Variants in CHST11 observed in about 807,000 individuals in gnomAD.
CHST11 encodes the protein C4S-1.
Under a neutral mutation model 30.4 loss-of-function variants are expected in CHST11, and 9 were observed. The observed-to-expected ratio is 0.30, with a 90% CI of 0.18 to 0.52. CHST11 has a LOEUF of 0.52. Ranked by LOEUF, CHST11 falls within the 20% of genes least tolerant of loss-of-function variation. The pLI, the probability that CHST11 is intolerant of heterozygous loss-of-function variation, is 0.97. For missense variants in CHST11, 348 were observed against 460.6 expected (o/e 0.76, Z 2.24); for synonymous variants, 152 against 187.8 (o/e 0.81, Z 1.56).
At chr12:104,636,404 C>A (rs1277334623) in intron 2 of CHST11, among the ~76,000 whole-genome samples, 1 of 152,218 alleles carries the variant, frequency 6.6e-6, no homozygotes, top group Non-Finnish European at 1.5e-5. Flanking sequence ...ATACAGTTCT[C>A]TCCGTCTGTT....
At chr12:104,525,315 T>A (rs1947240450) in intron 1 of CHST11, among the ~76,000 whole-genome samples, 2 of 152,206 alleles carry the variant, frequency 1.3e-5, no homozygotes, top group Non-Finnish European at 2.9e-5. Flanking sequence ...TTAAACCTCA[T>A]AGTGTATACT....
chr12:104,642,563 G>T (rs1283866225), intron 2 of CHST11, among the ~76,000 whole-genome samples: 5 of 152,014 alleles, frequency 3.3e-5, no homozygotes, highest in African/African-American at 7.2e-5. Flanking sequence ...ACCATGCCTG[G>T]CTAATTTTTG....
chr12:104,701,654 A>G (rs1386604190), intron 2 of CHST11, among the ~76,000 whole-genome samples: 1 of 152,210 alleles, frequency 6.6e-6, no homozygotes, highest in Non-Finnish European at 1.5e-5. Context: ...AGGATGCTCT[A>G]TGACATTTTC....
At position 104,582,286 on chromosome 12, in the gene CHST11, G is replaced by A. The variant is rs189996550; in HGVS notation, c.119-19620G>A. Among the ~76,000 whole-genome samples the A allele has an allele frequency of 5.9e-5, 9 of 152,244 alleles. No homozygotes were observed. The East Asian group carries it at 1.6e-3, about 26-fold the overall frequency. On this transcript the variant is annotated intron_variant, in intron 1 of 2. Transcript: ENST00000303694. ...AAGATCACTCTGCTGGCCAGTGGAG[G>A]GGCCAGGATTTGAGGCAGGAATTCT...
At chr12:104,685,754 T>C (rs569700646) in intron 2 of CHST11, among the ~76,000 whole-genome samples, 1 of 152,354 alleles carries the variant, frequency 6.6e-6, no homozygotes, top group Admixed American at 6.5e-5. Flanking sequence ...GGACTTTCAT[T>C]TGGAGCAAGT....
intron 1 of CHST11, among the ~76,000 whole-genome samples, chr12:104,588,593 G>A (rs763540346): frequency 6.6e-6 from 1 of 152,120 alleles, no homozygotes; most frequent in Non-Finnish European, 1.5e-5. Context: ...TGCCTGCCTC[G>A]GGCTCACAAA....
intron 1 of CHST11, among the ~76,000 whole-genome samples, chr12:104,481,628 T>C (rs916601907): frequency 2.6e-5 from 4 of 152,074 alleles, no homozygotes; most frequent in Admixed American, 1.3e-4. Context: ...ATGGCAAAGA[T>C]TGGCTAAGAA....
intron 1 of CHST11, among the ~76,000 whole-genome samples, chr12:104,460,304 G>A (rs1352197522): frequency 6.6e-6 from 1 of 152,130 alleles, no homozygotes; most frequent in Admixed American, 6.5e-5. Flanking sequence ...TAGAAAAATA[G>A]TATTGCAAAA....
chr12:104,663,505 TG>T (rs2039615757), intron 2 of CHST11, among the ~76,000 whole-genome samples: 1 of 152,210 alleles, frequency 6.6e-6, no homozygotes, highest in South Asian at 2.1e-4. Flanking sequence ...TATTCATGTT[TG>T]TATTTTTTAA....
In CHST11 at chr12:104,611,771, G is replaced by A. The variant is rs541341422; in HGVS notation, c.204+9780G>A. Among the ~76,000 whole-genome samples the A allele has an allele frequency of 7.9e-5, 12 of 152,260 alleles. No individual in the cohort carries two copies. The South Asian group carries it at 1.2e-3, about 16-fold the overall frequency. On this transcript the variant is annotated intron_variant, in intron 2 of 2. Transcript: ENST00000303694. ...GATGTTTCCCCCAGAAGTTCCTTCC[G>A]GAAAGCGTAAGTGTGAGTATTGTGG...
intron 1 of CHST11, among the ~76,000 whole-genome samples, chr12:104,575,414 C>T (rs994855905): frequency 6.6e-5 from 10 of 152,078 alleles, no homozygotes; most frequent in Non-Finnish European, 1.5e-4. Context: ...AGGGATGAGG[C>T]CATGTCAGGT....
At chr12:104,545,310 G>C (rs2038336425) in intron 1 of CHST11, among the ~76,000 whole-genome samples, 1 of 152,234 alleles carries the variant, frequency 6.6e-6, no homozygotes, top group Non-Finnish European at 1.5e-5. Context: ...CTTCTGCAGA[G>C]CTGGCCACAT....
chr12:104,518,709 C>G (rs1237795872), intron 1 of CHST11, among the ~76,000 whole-genome samples: 1 of 152,162 alleles, frequency 6.6e-6, no homozygotes, highest in East Asian at 1.9e-4. Context: ...ATAACCAACC[C>G]TTCATTCATT....
At chr12:104,727,646 A>G (rs2040226336) in intron 2 of CHST11, among the ~76,000 whole-genome samples, 1 of 152,258 alleles carries the variant, frequency 6.6e-6, no homozygotes, top group Non-Finnish European at 1.5e-5. Flanking sequence ...AACTGATTTT[A>G]TAATCGAGTA....
At chr12:104,670,534 CACACTT>C (rs917150759) in intron 2 of CHST11, among the ~76,000 whole-genome samples, 2 of 151,388 alleles carry the variant, frequency 1.3e-5, no homozygotes, top group Non-Finnish European at 2.9e-5. Context: ...CACATGCACT[CACACTT>C]ACACACACAC....
chr12:104,511,800 C>T (rs2037968526), intron 1 of CHST11, among the ~76,000 whole-genome samples: 1 of 152,170 alleles, frequency 6.6e-6, no homozygotes, highest in Non-Finnish European at 1.5e-5. Context: ...TCCTTGGCTA[C>T]TTAGCAAATG....
chr12:104,696,398 A>T (rs2039945128), intron 2 of CHST11, among the ~76,000 whole-genome samples: 1 of 142,242 alleles, frequency 7.0e-6, no homozygotes, highest in Non-Finnish European at 1.5e-5. Flanking sequence ...GCACTTTGGG[A>T]GGCTGAGGCG....
At chr12:104,669,774 G>T (rs1161616800) in intron 2 of CHST11, among the ~76,000 whole-genome samples, 1 of 152,198 alleles carries the variant, frequency 6.6e-6, no homozygotes, top group African/African-American at 2.4e-5. Flanking sequence ...TATGATGACA[G>T]CTCGTAGCTT....
intron 2 of CHST11, among the ~76,000 whole-genome samples, chr12:104,721,897 G>A (rs1472481741): frequency 6.6e-6 from 1 of 152,212 alleles, no homozygotes; most frequent in Non-Finnish European, 1.5e-5. Flanking sequence ...GGTATTGCCT[G>A]AGGTTGCACT....
Sources: gnomAD v4.1 joint callset for allele counts (sites outside exome capture counted in the v4.1 genomes callset) on GRCh38, gnomAD v4.1.1 for gene constraint, MANE v1.5 for transcripts, NCBI Gene and HGNC (gene_info 2026-07-23, HGNC 2026-07-21) for gene names.